ZMAT4: variants seen among roughly 807,000 people sequenced by gnomAD.
ZMAT4 encodes the protein zinc finger matrin-type protein 4.
In ZMAT4, 17 loss-of-function variants were observed where a neutral mutation model predicts 28.7. The observed-to-expected ratio is 0.59, with a 90% CI of 0.41 to 0.89. ZMAT4 has a LOEUF of 0.89. Among genes scored for constraint, ZMAT4 ranks in the 40% least tolerant of loss-of-function variants. The probability of loss-of-function intolerance (pLI) is 0.00; values close to 1 mark genes in which losing one functional copy is unlikely to be tolerated. For synonymous variants in ZMAT4, 117 were observed against 109.2 expected, an observed-to-expected ratio of 1.07 and a Z score of -0.44; for missense variants, 240 against 283.8, an observed-to-expected ratio of 0.85 and a Z score of 1.11.
chr8:40,709,506 A>G (rs1372078473), intron 3 of ZMAT4, among the ~76,000 whole-genome samples: 1 of 152,256 alleles, frequency 6.6e-6, no homozygotes, highest in Non-Finnish European at 1.5e-5. Flanking sequence ...ATCATCAGAC[A>G]TTTCAACTGC....
intron 1 of ZMAT4, among the ~76,000 whole-genome samples, chr8:40,880,454 G>A (rs1053794853): frequency 3.3e-5 from 5 of 151,648 alleles, no homozygotes; most frequent in African/African-American, 1.2e-4. Context: ...CTGTATCTCT[G>A]TGACACTGAG....
At chr8:40,851,953 G>A (rs1336157165) in intron 1 of ZMAT4, among the ~76,000 whole-genome samples, 1 of 152,096 alleles carries the variant, frequency 6.6e-6, no homozygotes, top group African/African-American at 2.4e-5. Context: ...CTGGAGTGGA[G>A]TGGCAAAATC....
intron 5 of ZMAT4, among the ~76,000 whole-genome samples, chr8:40,585,976 C>T (rs1165992133): frequency 1.3e-5 from 2 of 152,170 alleles, no homozygotes; most frequent in African/African-American, 2.4e-5. Context: ...AAATCTAAAA[C>T]ATATTCTGAT....
chr8:40,783,111 T>A (rs10216622), intron 2 of ZMAT4, among the ~76,000 whole-genome samples: 62,414 of 152,100 alleles, frequency 0.41, 13,189 homozygotes, highest in Middle Eastern at 0.48. Flanking sequence ...TGTCCATGAC[T>A]GTAGTAGCAT....
chr8:40,880,379 A>C (rs573683127), intron 1 of ZMAT4, among the ~76,000 whole-genome samples: 3 of 152,032 alleles, frequency 2.0e-5, no homozygotes, highest in Non-Finnish European at 4.4e-5. Context: ...CAAAAAAAAA[A>C]AAAAAGTACA....
chr8:40,543,110 C>G (rs1297294286), intron 6 of ZMAT4, among the ~76,000 whole-genome samples: 2 of 151,812 alleles, frequency 1.3e-5, no homozygotes. Flanking sequence ...TTTTCTCCTT[C>G]AGGCTCAGAG....
chr8:40,876,767 A>C (rs1231303875), intron 1 of ZMAT4, among the ~76,000 whole-genome samples: 1 of 152,230 alleles, frequency 6.6e-6, no homozygotes, highest in Non-Finnish European at 1.5e-5. Flanking sequence ...TTAGTAGTTA[A>C]GTTTCTGGGA....
chr8:40,560,556 A>G (rs1047421612), intron 6 of ZMAT4, among the ~76,000 whole-genome samples: 2 of 151,926 alleles, frequency 1.3e-5, no homozygotes, highest in Non-Finnish European at 2.9e-5. Context: ...TTCAAAATGG[A>G]GTCACTTGTG....
chr8:40,716,511 G>A lies in ZMAT4; in HGVS notation c.193-19110C>T, dbSNP rs1014252996. 3.3e-5 allele frequency among the ~76,000 whole-genome samples: 5 copies of A among 152,198 alleles called. No homozygotes were observed. In the East Asian group the frequency reaches 9.7e-4, roughly 29 times the overall value. ...GTATGAGATCAGCCTGGCCAAGATG[G>A]CGAAACCCCATCTCTACTAAAAATA... On this transcript the variant is annotated intron_variant, in intron 3 of 6. Coordinates refer to ENST00000297737, the MANE Select transcript of ZMAT4 (RefSeq NM_024645.3).
At chr8:40,865,878 A>G (rs1409516412) in intron 1 of ZMAT4, among the ~76,000 whole-genome samples, 1 of 152,156 alleles carries the variant, frequency 6.6e-6, no homozygotes, top group African/African-American at 2.4e-5. Flanking sequence ...CAATTTTTAG[A>G]TTTTAGAAGG....
intron 5 of ZMAT4, among the ~76,000 whole-genome samples, chr8:40,622,407 C>G (rs956014373): frequency 1.3e-5 from 2 of 152,148 alleles, no homozygotes; most frequent in Admixed American, 1.3e-4. Context: ...TTTCCAAGAA[C>G]CTGGCATAAC....
chr8:40,883,450 G>C (rs1445725708), intron 1 of ZMAT4, among the ~76,000 whole-genome samples: 1 of 151,968 alleles, frequency 6.6e-6, no homozygotes. Flanking sequence ...TCCTCTCCTT[G>C]CCTCCCCTTC....
intron 5 of ZMAT4, among the ~76,000 whole-genome samples, chr8:40,603,943 G>A (rs999017964): frequency 6.6e-6 from 1 of 152,064 alleles, no homozygotes; most frequent in South Asian, 2.1e-4. Flanking sequence ...TCCTTGATTA[G>A]GTCTATTTCT....
chr8:40,860,851 C>T (rs1817463236), intron 1 of ZMAT4, among the ~76,000 whole-genome samples: 1 of 152,158 alleles, frequency 6.6e-6, no homozygotes, highest in Non-Finnish European at 1.5e-5. Flanking sequence ...CAATGACTGA[C>T]CAGGGGAAGC....
chr8:40,581,525 T>G (rs1277351728), intron 5 of ZMAT4, among the ~76,000 whole-genome samples: 2 of 152,196 alleles, frequency 1.3e-5, no homozygotes, highest in East Asian at 1.9e-4. Flanking sequence ...AAGGTGTTCC[T>G]GGGCATTTTA....
chr8:40,756,426 T>TTA (rs72008675), intron 3 of ZMAT4, among the ~76,000 whole-genome samples: 1,114 of 73,222 alleles, frequency 0.015, 64 homozygotes, highest in African/African-American at 0.035. Context: ...AAATGTTCTT[T>TTA]TATATATATA....
intron 6 of ZMAT4, among the ~76,000 whole-genome samples, chr8:40,560,233 A>T (rs913995234): frequency 6.6e-6 from 1 of 151,364 alleles, no homozygotes; most frequent in Non-Finnish European, 1.5e-5. Flanking sequence ...TGACCAAGGG[A>T]AATTGTACAT....
chr8:40,844,399 G>T (rs368225807), intron 1 of ZMAT4, among the ~76,000 whole-genome samples: 27 of 152,122 alleles, frequency 1.8e-4, no homozygotes, highest in Admixed American at 1.4e-3. Flanking sequence ...GGGTGAGTTT[G>T]CTCTTTCTCT....
chr8:40,777,655 C>A (rs898142184), intron 2 of ZMAT4, among the ~76,000 whole-genome samples: 9 of 152,126 alleles, frequency 5.9e-5, no homozygotes, highest in African/African-American at 1.9e-4. Flanking sequence ...TGAGAGGGGC[C>A]ACAGAGAGAT....
Sources: allele counts gnomAD v4.1 joint callset (sites outside exome capture counted in the v4.1 genomes callset), GRCh38; gene constraint gnomAD v4.1.1; transcripts MANE v1.5; gene names NCBI Gene and HGNC (gene_info 2026-07-23, HGNC 2026-07-21).